NEK10: variants seen among roughly 807,000 people sequenced by gnomAD.
NEK10 encodes NIMA related kinase 10.
In NEK10, 122 loss-of-function variants were observed where a neutral mutation model predicts 159.8. That is an observed-to-expected ratio of 0.76 (90% CI 0.66 to 0.89). The LOEUF (loss-of-function observed/expected upper bound fraction) is 0.89. NEK10 is among the 40% of genes least tolerant of loss of function. The pLI is 0.00. For synonymous variants in NEK10, 466 were observed against 457.1 expected (o/e 1.02, Z -0.25); for missense variants, 1,342 against 1,323.1 (o/e 1.01, Z -0.22).
At chr3:27,149,549 G>T (rs1944627258) in intron 30 of NEK10, among the ~76,000 whole-genome samples, 1 of 152,054 alleles carries the variant, frequency 6.6e-6, no homozygotes, top group Admixed American at 6.5e-5. Flanking sequence ...GATCCTGCAT[G>T]TCACTATTGT....
At chr3:27,286,012 T>C (rs994036607) in intron 20 of NEK10, among the ~76,000 whole-genome samples, 1 of 151,738 alleles carries the variant, frequency 6.6e-6, no homozygotes, top group African/African-American at 2.4e-5. Flanking sequence ...TCATCCTTCA[T>C]TCCTCTTTAT....
intron 23 of NEK10, among the ~76,000 whole-genome samples, chr3:27,248,017 G>C (rs1185969486): frequency 1.3e-5 from 2 of 151,612 alleles, no homozygotes; most frequent in Non-Finnish European, 2.9e-5. Flanking sequence ...TTCTTTACTG[G>C]GAGACTTTTC....
At chr3:27,290,521 G>T in intron 19 of NEK10, 96 bp downstream of exon 19, 1 of 900,364 alleles carries the variant, frequency 1.1e-6, no homozygotes, top group East Asian at 2.5e-5. Flanking sequence ...CATGGAACTA[G>T]TTCATAAGCA....
chr3:27,206,635 G>A (rs191997045), intron 23 of NEK10: 37 of 985,082 alleles, frequency 3.8e-5, no homozygotes, highest in African/African-American at 3.0e-4. Flanking sequence ...CTGGTAACTC[G>A]CAGACCTAAT....
intron 1 of NEK10, among the ~76,000 whole-genome samples, chr3:27,362,979 C>T (rs1473412342): frequency 6.6e-6 from 1 of 152,066 alleles, no homozygotes; most frequent in Non-Finnish European, 1.5e-5. Context: ...ACCAATTATG[C>T]CCTTATATGC....
intron 3 of NEK10, among the ~76,000 whole-genome samples, chr3:27,349,524 T>C (rs1264864658): frequency 6.6e-6 from 1 of 152,184 alleles, no homozygotes; most frequent in Non-Finnish European, 1.5e-5. Flanking sequence ...ACCACCACCA[T>C]GCCTTATACG....
intron 9 of NEK10, chr3:27,310,730 AG>A (rs1375440816): frequency 2.4e-6 from 1 of 415,010 alleles, no homozygotes. Flanking sequence ...AGGAAAAAAA[AG>A]AAAAGAGTTC....
chr3:27,238,324 G>T (rs944230157), intron 23 of NEK10, among the ~76,000 whole-genome samples: 1 of 152,124 alleles, frequency 6.6e-6, no homozygotes, highest in Non-Finnish European at 1.5e-5. Context: ...ACATAGAAAG[G>T]AATTTGGAAT....
At chr3:27,130,701 T>TA (rs1281586119) in intron 32 of NEK10, among the ~76,000 whole-genome samples, 2 of 152,158 alleles carry the variant, frequency 1.3e-5, no homozygotes, top group Admixed American at 1.3e-4. Flanking sequence ...TTAATAAGAA[T>TA]AAAAAACCAA....
At chr3:27,129,155 T>C (rs943646911) in intron 32 of NEK10, among the ~76,000 whole-genome samples, 3 of 152,084 alleles carry the variant, frequency 2.0e-5, no homozygotes, top group South Asian at 2.1e-4. Context: ...CTAGCCAAGA[T>C]TGAGCAGACT....
intron 23 of NEK10, among the ~76,000 whole-genome samples, chr3:27,247,098 A>T (rs13098169): frequency 1.3e-5 from 2 of 152,022 alleles, no homozygotes; most frequent in African/African-American, 4.8e-5. Flanking sequence ...TTCCTTCCCA[A>T]TTTGGATGCC....
chr3:27,207,696 C>T (rs1003526624), intron 23 of NEK10, among the ~76,000 whole-genome samples: 2 of 152,130 alleles, frequency 1.3e-5, no homozygotes, highest in Non-Finnish European at 1.5e-5. Flanking sequence ...TTAAAAAGTA[C>T]ATTTAGTTCT....
chr3:27,177,528 G>C (rs1254207920), intron 26 of NEK10, among the ~76,000 whole-genome samples: 1 of 147,000 alleles, frequency 6.8e-6, no homozygotes, highest in African/African-American at 2.6e-5. Flanking sequence ...CTGGGTGACA[G>C]AGCAAGACTC....
intron 23 of NEK10, among the ~76,000 whole-genome samples, chr3:27,225,500 T>C (rs999352392): frequency 6.6e-6 from 1 of 152,232 alleles, no homozygotes; most frequent in Non-Finnish European, 1.5e-5. Flanking sequence ...TTAAAAACCA[T>C]TACCACTGTA....
At chr3:27,296,459 T>C (rs1219282651) in intron 14 of NEK10, among the ~76,000 whole-genome samples, 1 of 152,208 alleles carries the variant, frequency 6.6e-6, no homozygotes, top group East Asian at 1.9e-4. Context: ...TACCCCCTGA[T>C]CTGCTGAGTT....
At chr3:27,230,134 C>G (rs1042549723) in intron 23 of NEK10, among the ~76,000 whole-genome samples, 1 of 151,908 alleles carries the variant, frequency 6.6e-6, no homozygotes, top group Non-Finnish European at 1.5e-5. Flanking sequence ...CATCAGGTGA[C>G]CTATAAAGAG....
Position 27,192,192 on chromosome 3 carries a change from G to A in NEK10, c.2342C>T (p.Ser781Leu), listed in dbSNP as rs1173001316. 2.5e-6 allele frequency: 4 copies of A among 1,613,938 alleles called. No homozygotes were observed. Among genetic ancestry groups the A allele is most frequent in the South Asian group, 1.1e-5 (1 of 91,072 alleles). The change falls in exon 26 of 36, where the codon TCG becomes TTG. Residue 781 changes from serine to leucine, a missense_variant. Physicochemically the swap from Ser to Leu is moderately radical, Grantham distance 145 (BLOSUM62 -2). Transcript: ENST00000691995. ...EARPDIVEVSSMISDVMMKYL... is the reference protein window; with the variant it reads ...EARPDIVEVSLMISDVMMKYL... ...TTTCATCATGACATCTGATATCATC[G>A]AACTGACTTCTACAATATCTGGACG...
intron 1 of NEK10, among the ~76,000 whole-genome samples, chr3:27,358,555 A>G (rs548584779): frequency 1.3e-5 from 2 of 152,358 alleles, no homozygotes. Context: ...GTAATTGCTG[A>G]GTAAACACAT....
At chr3:27,302,885 T>A (rs531892600) in intron 12 of NEK10, among the ~76,000 whole-genome samples, 130 of 152,226 alleles carry the variant, frequency 8.5e-4, no homozygotes, top group Non-Finnish European at 1.6e-3. Context: ...ATTGTAGGGA[T>A]CTCTTCACCT....
Sources: gnomAD v4.1 joint callset for allele counts (sites outside exome capture counted in the v4.1 genomes callset) on GRCh38, gnomAD v4.1.1 for gene constraint, MANE v1.5 for transcripts, NCBI Gene and HGNC (gene_info 2026-07-23, HGNC 2026-07-21) for gene names.